TMEM178B: variants seen among roughly 807,000 people sequenced by gnomAD.
TMEM178B encodes the protein transmembrane protein 178B.
TMEM178B carries 5 observed loss-of-function variants against 31.0 expected under a neutral mutation model. The ratio of observed to expected loss-of-function variants is 0.16; its 90% CI spans 0.08 to 0.34. The LOEUF (loss-of-function observed/expected upper bound fraction) is 0.34. Among genes scored for constraint, TMEM178B ranks in the 10% least tolerant of loss-of-function variants. TMEM178B has a pLI of 1.00. For missense variants in TMEM178B, 275 were observed against 400.3 expected (o/e 0.69, Z 2.67); for synonymous variants, 164 against 164.0 (o/e 1.00, Z 0.00).
intron 2 of TMEM178B, among the ~76,000 whole-genome samples, chr7:141,396,344 C>G (rs530152665): frequency 9.2e-5 from 14 of 152,236 alleles, no homozygotes; most frequent in Non-Finnish European, 1.9e-4. Flanking sequence ...CTACCACTTT[C>G]CCATCGCCCA....
At chr7:141,285,150 G>GTTTTTTTTTTTTTTTTTTTT (rs1179131184) in intron 2 of TMEM178B, among the ~76,000 whole-genome samples, 3 of 78,962 alleles carry the variant, frequency 3.8e-5, no homozygotes, top group African/African-American at 4.7e-5. Flanking sequence ...CAGGATTCTT[G>GTTTTTTTTTTTTTTTTTTTT]TTTCTTTTTT....
chr7:141,222,704 T>A (rs1797275559), intron 2 of TMEM178B, among the ~76,000 whole-genome samples: 1 of 152,156 alleles, frequency 6.6e-6, no homozygotes, highest in Non-Finnish European at 1.5e-5. Flanking sequence ...TGAATTGGCC[T>A]TGTATGTGGC....
chr7:141,208,635 TC>T (rs1797003513), intron 1 of TMEM178B, among the ~76,000 whole-genome samples: 1 of 152,232 alleles, frequency 6.6e-6, no homozygotes, highest in South Asian at 2.1e-4. Flanking sequence ...TGGTGGCTGC[TC>T]CAGGCAGGCT....
At chr7:141,365,654 C>T (rs1180589325) in intron 2 of TMEM178B, among the ~76,000 whole-genome samples, 1 of 152,232 alleles carries the variant, frequency 6.6e-6, no homozygotes, top group Non-Finnish European at 1.5e-5. Flanking sequence ...CTCTGCCTTT[C>T]TTCCATCACA....
intron 2 of TMEM178B, among the ~76,000 whole-genome samples, chr7:141,368,283 C>T (rs1468202287): frequency 6.6e-6 from 1 of 152,200 alleles, no homozygotes; most frequent in Non-Finnish European, 1.5e-5. Context: ...TGTGCCACTG[C>T]ACTCCAGCCT....
At chr7:141,308,409 T>G (rs960834670) in intron 2 of TMEM178B, among the ~76,000 whole-genome samples, 1 of 152,092 alleles carries the variant, frequency 6.6e-6, no homozygotes, top group Middle Eastern at 3.2e-3. Context: ...TGTGTGTAAT[T>G]TTTTTTAGAG....
chr7:141,130,344 T>C (rs933153027), intron 1 of TMEM178B, among the ~76,000 whole-genome samples: 13 of 152,208 alleles, frequency 8.5e-5, no homozygotes, highest in African/African-American at 2.9e-4. Context: ...TTGTAGGGCA[T>C]GACTCCCCAG....
At chr7:141,257,481 T>G (rs1797945954) in intron 2 of TMEM178B, among the ~76,000 whole-genome samples, 1 of 152,254 alleles carries the variant, frequency 6.6e-6, no homozygotes, top group African/African-American at 2.4e-5. Flanking sequence ...TGTTGGAATA[T>G]GTGGGGATTC....
At chr7:141,499,821 T>C in the TMEM178B span, among the ~76,000 whole-genome samples, 1 of 152,170 alleles carries the variant, frequency 6.6e-6, no homozygotes, top group African/African-American at 2.4e-5. Context: ...TCAAGATCAA[T>C]CACACACATG....
chr7:141,219,206 A>G (rs541826109), intron 2 of TMEM178B, among the ~76,000 whole-genome samples: 1 of 152,288 alleles, frequency 6.6e-6, no homozygotes, highest in South Asian at 2.1e-4. Context: ...TAGAGGTCCC[A>G]TCTCAGACCT....
chr7:141,295,036 C>T (rs1798607661), intron 2 of TMEM178B, among the ~76,000 whole-genome samples: 1 of 152,112 alleles, frequency 6.6e-6, no homozygotes, highest in African/African-American at 2.4e-5. Flanking sequence ...GCTTGCTGCC[C>T]TCAATATGGG....
chr7:141,183,079 G>A (rs1481447365), intron 1 of TMEM178B, among the ~76,000 whole-genome samples: 3 of 152,212 alleles, frequency 2.0e-5, no homozygotes, highest in African/African-American at 4.8e-5. Flanking sequence ...GTGCTTGAAT[G>A]AATGAAGTGC....
chr7:141,147,216 C>T (rs551751976), intron 1 of TMEM178B, among the ~76,000 whole-genome samples: 5 of 152,192 alleles, frequency 3.3e-5, no homozygotes, highest in Middle Eastern at 3.4e-3. Context: ...TCCCTCCCTC[C>T]GTCCCTCCTT....
At chr7:141,350,709 T>C (rs1050181432) in intron 2 of TMEM178B, among the ~76,000 whole-genome samples, 1 of 152,164 alleles carries the variant, frequency 6.6e-6, no homozygotes, top group Non-Finnish European at 1.5e-5. Flanking sequence ...TACAAAATAT[T>C]TCAGACAAAC....
At chr7:141,502,510 G>A in the TMEM178B span, among the ~76,000 whole-genome samples, 4 of 152,212 alleles carry the variant, frequency 2.6e-5, no homozygotes, top group African/African-American at 7.2e-5. Flanking sequence ...GGTGGCTCAC[G>A]CCTGTAATCC....
intron 2 of TMEM178B, chr7:141,352,204 T>G (rs1233968727): frequency 5.3e-5 from 8 of 152,296 alleles, no homozygotes; most frequent in Admixed American, 2.0e-4. Context: ...TTTGTGCATG[T>G]TTGGAGCTGA....
At chr7:141,081,712 T>TA (rs1230027009) in intron 1 of TMEM178B, among the ~76,000 whole-genome samples, 2 of 152,128 alleles carry the variant, frequency 1.3e-5, no homozygotes, top group African/African-American at 4.8e-5. Context: ...GTATATAAAG[T>TA]AAAAAATCTA....
intron 2 of TMEM178B, among the ~76,000 whole-genome samples, chr7:141,428,419 GA>G (rs1392748646): frequency 2.7e-5 from 4 of 147,264 alleles, no homozygotes; most frequent in Non-Finnish European, 1.5e-5. Flanking sequence ...GAAAACAGAT[GA>G]AGCTGGTGAA....
intron 1 of TMEM178B, among the ~76,000 whole-genome samples, chr7:141,208,763 T>C (rs1797005432): frequency 6.6e-6 from 1 of 152,194 alleles, no homozygotes; most frequent in Admixed American, 6.5e-5. Context: ...AGGAGCTGGC[T>C]CCAGCCTGCC....
Sources: allele counts gnomAD v4.1 joint callset (sites outside exome capture counted in the v4.1 genomes callset), GRCh38; gene constraint gnomAD v4.1.1; transcripts MANE v1.5; gene names NCBI Gene and HGNC (gene_info 2026-07-23, HGNC 2026-07-21).